IRAG1: variants seen among roughly 807,000 people sequenced by gnomAD.
IRAG1 encodes inositol 1,4,5-triphosphate receptor associated 1.
IRAG1 carries 62 observed loss-of-function variants against 106.2 expected under a neutral mutation model. The observed-to-expected ratio is 0.58, with a 90% CI of 0.48 to 0.72. IRAG1 has a LOEUF of 0.72. Ranked by LOEUF, IRAG1 falls within the 30% of genes least tolerant of loss-of-function variation. The pLI is 0.00. For synonymous variants in IRAG1, 462 were observed against 443.9 expected (o/e 1.04, Z -0.51); for missense variants, 1,064 against 1,140.7 (o/e 0.93, Z 0.97).
chr11:10,693,670 C>T lies in IRAG1; in HGVS notation c.-68G>A, dbSNP rs1200431319. 8.0e-6 allele frequency: 12 copies of T among 1,503,510 alleles called. No homozygotes were observed. Among genetic ancestry groups the T allele is most frequent in the Non-Finnish European group, 1.1e-5 (12 of 1,120,250 alleles). 93.1% of individuals were successfully genotyped at this position (1,503,510 alleles called of 1,614,324 possible). On this transcript the variant is annotated 5_prime_UTR_variant, in exon 1 of 21. Transcript: ENST00000423302. Reference sequence around the variant, plus strand: ...AAGCCTCTGGCTGCAGAACCTCGGCCGCACGCCTCCTCTGAGAGGGGCTGG... The same window carrying T: ...AAGCCTCTGGCTGCAGAACCTCGGCTGCACGCCTCCTCTGAGAGGGGCTGG...
intron 15 of IRAG1, among the ~76,000 whole-genome samples, chr11:10,596,378 A>C (rs1481723931): frequency 6.6e-6 from 1 of 152,130 alleles, no homozygotes; most frequent in African/African-American, 2.4e-5. Context: ...GGCTTCTTCT[A>C]TTATTGCCAT....
At chr11:10,630,375 T>C (rs1564917603) in intron 4 of IRAG1, among the ~76,000 whole-genome samples, 1 of 151,760 alleles carries the variant, frequency 6.6e-6, no homozygotes, top group African/African-American at 2.4e-5. Context: ...CTCTTTTTTT[T>C]TTTTTTCTTT....
chr11:10,680,451 G>C (rs958648555), intron 1 of IRAG1, among the ~76,000 whole-genome samples: 2 of 144,172 alleles, frequency 1.4e-5, no homozygotes, highest in Admixed American at 1.4e-4. Flanking sequence ...GAAAGAAAGG[G>C]AAAGAGAAAG....
intron 1 of IRAG1, among the ~76,000 whole-genome samples, chr11:10,662,866 C>T (rs1438486046): frequency 6.6e-6 from 1 of 152,332 alleles, no homozygotes; most frequent in Middle Eastern, 3.4e-3. Context: ...ATGAAGCAGG[C>T]CTCTGGGAAA....
intron 13 of IRAG1, among the ~76,000 whole-genome samples, chr11:10,603,639 A>G (rs964319411): frequency 6.6e-5 from 10 of 152,126 alleles, no homozygotes; most frequent in African/African-American, 2.4e-4. Flanking sequence ...CCACTGGGCT[A>G]AATGTCTGTG....
Position 10,662,340 on chromosome 11 carries a change from C to T in IRAG1, c.68-10158G>A, listed in dbSNP as rs191560082. Reference sequence around the variant, plus strand: ...TCATTGAGCTTCCCCAGGTTAATGGCCAAGTTTTTCTCTCTCTCGATGATG... The same window carrying T: ...TCATTGAGCTTCCCCAGGTTAATGGTCAAGTTTTTCTCTCTCTCGATGATG... On this transcript the variant is annotated intron_variant, in intron 1 of 20. Coordinates refer to ENST00000423302, the MANE Select transcript of IRAG1 (RefSeq NM_130385.4). Among the ~76,000 whole-genome samples, 220 of 152,234 alleles carry T rather than the reference C, an allele frequency of 1.4e-3. 2 individuals are homozygous for T. The highest frequency in any genetic ancestry group is 0.013 in the Admixed American group (204 of 15,284).
At chr11:10,594,122 C>G (rs779923134) in intron 16 of IRAG1, 24 bp downstream of exon 16, 13 of 1,592,744 alleles carry the variant, frequency 8.2e-6, no homozygotes, top group Admixed American at 7.0e-5. Context: ...TCCAGGAGCC[C>G]TGGTATTCCT....
At chr11:10,667,944 C>A (rs1859912807) in intron 1 of IRAG1, among the ~76,000 whole-genome samples, 2 of 152,216 alleles carry the variant, frequency 1.3e-5, no homozygotes, top group African/African-American at 4.8e-5. Context: ...GGCACTCATG[C>A]AAAACTTTCT....
intron 1 of IRAG1, among the ~76,000 whole-genome samples, chr11:10,687,031 C>T (rs1248758961): frequency 2.0e-5 from 3 of 152,210 alleles, no homozygotes; most frequent in African/African-American, 7.2e-5. Flanking sequence ...AGATGCTTGC[C>T]TTGTCTAAGG....
At chr11:10,690,042 G>A (rs925009841) in intron 1 of IRAG1, among the ~76,000 whole-genome samples, 33 of 152,270 alleles carry the variant, frequency 2.2e-4, no homozygotes, top group African/African-American at 7.9e-4. Context: ...AGTAACCAGA[G>A]CTGATTAAGC....
intron 1 of IRAG1, among the ~76,000 whole-genome samples, chr11:10,691,171 C>G (rs1396062000): frequency 6.6e-6 from 1 of 152,164 alleles, no homozygotes; most frequent in East Asian, 1.9e-4. Context: ...GGCACATGTA[C>G]AAAATCAACC....
chr11:10,632,083 T>G (rs1472521553), intron 3 of IRAG1, 22 bp from the exon 4 acceptor site: 3 of 1,595,540 alleles, frequency 1.9e-6, no homozygotes, highest in Non-Finnish European at 2.6e-6. Context: ...AACAGTCATC[T>G]TGTTCAGAAA....
intron 2 of IRAG1, among the ~76,000 whole-genome samples, chr11:10,643,410 A>G (rs1354974973): frequency 6.6e-6 from 1 of 152,082 alleles, no homozygotes; most frequent in Non-Finnish European, 1.5e-5. Context: ...CCTCTGGTGG[A>G]TCCTCTTTCC....
intron 2 of IRAG1, among the ~76,000 whole-genome samples, chr11:10,638,380 C>T (rs1417711202): frequency 1.3e-5 from 2 of 152,090 alleles, no homozygotes; most frequent in East Asian, 3.9e-4. Context: ...GAGTTACTGC[C>T]CTGTGTCATG....
intron 10 of IRAG1, among the ~76,000 whole-genome samples, chr11:10,614,993 C>G (rs1171637659): frequency 6.6e-6 from 1 of 152,194 alleles, no homozygotes; most frequent in Non-Finnish European, 1.5e-5. Context: ...TCAGAGTGAA[C>G]AGGCAACCTA....
At chr11:10,683,236 T>C (rs2135223849) in intron 1 of IRAG1, among the ~76,000 whole-genome samples, 1 of 152,232 alleles carries the variant, frequency 6.6e-6, no homozygotes, top group South Asian at 2.1e-4. Flanking sequence ...CATGTATCCA[T>C]TTGTTTTTCC....
chr11:10,582,063 C>G, intron 18 of IRAG1, 77 bp from the exon 19 acceptor site: 1 of 1,512,212 alleles, frequency 6.6e-7, no homozygotes, highest in Non-Finnish European at 8.9e-7. Context: ...GTTTTTGGCC[C>G]GATTCCTGAT....
Position 10,628,698 on chromosome 11 carries a change from T to C in IRAG1, c.652+53A>G. ...GCATGCTGATCTGTCCAGGCTGAGC[T>C]GCCACCCAGAGCGAGAGGCAGGGCA... On this transcript the variant is annotated intron_variant, in intron 6 of 20. Coordinates refer to ENST00000423302, the MANE Select transcript of IRAG1 (RefSeq NM_130385.4). This position sits in a 1 kb window ranked among gnomAD's most constrained non-coding sequence, Gnocchi z 4.1. 7.0e-7 allele frequency: 1 copy of C among 1,428,662 alleles called. No individual in the cohort carries two copies. Among genetic ancestry groups the C allele is most frequent in the Non-Finnish European group, 9.4e-7 (1 of 1,068,690 alleles). The allele number at this position is 1,428,662 out of a possible 1,614,324, so 88.5% of individuals were successfully genotyped here.
Position 10,626,522 on chromosome 11 carries a change from C to A in IRAG1, c.812G>T (p.Arg271Met). 6.2e-7 allele frequency: 1 copy of A among 1,613,394 alleles called. No individual in the cohort carries two copies. The highest frequency in any genetic ancestry group is 8.5e-7 in the Non-Finnish European group (1 of 1,179,628). Residue 271 changes from arginine to methionine, a missense_variant, in exon 9 of 21, where the codon AGG (arginine) becomes ATG (methionine). Physicochemically the swap from Arg to Met is moderately conservative, Grantham distance 91. Coordinates refer to ENST00000423302, the MANE Select transcript of IRAG1 (RefSeq NM_130385.4). ...QNDQRKVSQG[R>M]LAPRPPPVEK... ...AACTGGAGGAGGACGAGGAGCCAGC[C>A]TGCCCTGAGACACTTTCCTCTGGTC... is the stretch of plus-strand genomic sequence containing the variant.
Sources: gnomAD v4.1 joint callset for allele counts (sites outside exome capture counted in the v4.1 genomes callset) on GRCh38, gnomAD v4.1.1 for gene constraint, Gnocchi (gnomAD v3.1) non-coding constraint, MANE v1.5 for transcripts, NCBI Gene and HGNC (gene_info 2026-07-23, HGNC 2026-07-21) for gene names.